OPCML: variants seen among roughly 807,000 people sequenced by gnomAD.
OPCML encodes the protein opioid-binding protein/cell adhesion molecule.
In OPCML, 13 loss-of-function variants were observed where a neutral mutation model predicts 37.8. That is an observed-to-expected ratio of 0.34 (90% CI 0.22 to 0.55). The LOEUF (loss-of-function observed/expected upper bound fraction) is 0.55. Ranked by LOEUF, OPCML falls within the 20% of genes least tolerant of loss-of-function variation. The pLI, the probability that OPCML is intolerant of heterozygous loss-of-function variation, is 0.91. For synonymous variants in OPCML, 176 were observed against 168.8 expected (o/e 1.04, Z -0.33); for missense variants, 341 against 435.6 (o/e 0.78, Z 1.93).
At chr11:132,529,971 C>T (rs2096319712) in intron 3 of OPCML, among the ~76,000 whole-genome samples, 1 of 152,130 alleles carries the variant, frequency 6.6e-6, no homozygotes, top group Non-Finnish European at 1.5e-5. Context: ...TCCTCACCTG[C>T]TACATGACCG....
intron 3 of OPCML, among the ~76,000 whole-genome samples, chr11:132,543,191 TA>T (rs2096361154): frequency 6.6e-6 from 1 of 152,158 alleles, no homozygotes; most frequent in South Asian, 2.1e-4. Flanking sequence ...AATGATATGA[TA>T]AAAGTAAATA....
intron 1 of OPCML, among the ~76,000 whole-genome samples, chr11:133,394,507 C>G (rs1945245722): frequency 6.6e-6 from 1 of 152,140 alleles, no homozygotes; most frequent in African/African-American, 2.4e-5. Flanking sequence ...CTTATTCATT[C>G]TTTCCAACTA....
chr11:132,735,644 C>T (rs771953267), intron 2 of OPCML, among the ~76,000 whole-genome samples: 4 of 151,974 alleles, frequency 2.6e-5, no homozygotes, highest in Non-Finnish European at 4.4e-5. Flanking sequence ...CCACTACGCC[C>T]GACTAATTTT....
At chr11:132,619,674 T>C (rs1207084676) in intron 3 of OPCML, among the ~76,000 whole-genome samples, 1 of 105,128 alleles carries the variant, frequency 9.5e-6, no homozygotes, top group African/African-American at 3.9e-5. Context: ...CCGTCTCTAC[T>C]GAAAATACCA....
chr11:133,020,365 C>A (rs972978781), intron 1 of OPCML, among the ~76,000 whole-genome samples: 1 of 152,226 alleles, frequency 6.6e-6, no homozygotes, highest in African/African-American at 2.4e-5. Context: ...AGACACGCTG[C>A]ATGGCTGTCT....
intron 1 of OPCML, among the ~76,000 whole-genome samples, chr11:133,201,649 A>G (rs189796191): frequency 4.5e-4 from 69 of 152,308 alleles, no homozygotes; most frequent in African/African-American, 1.4e-3. Context: ...AAAGTAAATG[A>G]AGGAGAGGAG....
At position 133,153,665 on chromosome 11, in the gene OPCML, A is replaced by C. The variant is rs1346274575; in HGVS notation, c.62-210655T>G. On this transcript the variant is annotated intron_variant, in intron 1 of 7. Coordinates refer to ENST00000524381, the MANE Select transcript of OPCML (RefSeq NM_001012393.5). ...AGAGGGGCTTATGTCTGATGGGAGC[A>C]TCTCTGGCCTCCACACCAGGCACCT... Among the ~76,000 whole-genome samples the C allele has an allele frequency of 4.6e-5, 7 of 152,174 alleles. No homozygotes were observed. In the East Asian group the frequency reaches 1.3e-3, roughly 29 times the overall value.
chr11:132,618,193 G>GT (rs1439054939), intron 3 of OPCML, among the ~76,000 whole-genome samples: 1 of 152,248 alleles, frequency 6.6e-6, no homozygotes, highest in Non-Finnish European at 1.5e-5. Flanking sequence ...GAACACAACG[G>GT]TAAGGAGTGA....
intron 1 of OPCML, among the ~76,000 whole-genome samples, chr11:132,947,220 C>T (rs1945763343): frequency 6.6e-6 from 1 of 152,204 alleles, no homozygotes; most frequent in Non-Finnish European, 1.5e-5. Flanking sequence ...GCTAGGACAG[C>T]ATGAGGTTCC....
In OPCML at chr11:133,084,482, A is replaced by C. The variant is rs1948789446; in HGVS notation, c.62-141472T>G. Among the ~76,000 whole-genome samples the C allele has an allele frequency of 2.6e-5, 4 of 152,330 alleles. No individual in the cohort carries two copies. In the South Asian group the frequency reaches 8.3e-4, roughly 32 times the overall value. ...AGAAAACTTCATACCAGGGAGGCAA[A>C]TATTGACGCAGGCATCTCTTGAGGG... is the stretch of plus-strand genomic sequence containing the variant. On this transcript the variant is annotated intron_variant, in intron 1 of 7. Coordinates refer to ENST00000524381, the MANE Select transcript of OPCML (RefSeq NM_001012393.5).
At position 133,217,497 on chromosome 11, in the gene OPCML, G is replaced by A. The variant is rs191798395; in HGVS notation, c.62-274487C>T. ...GGAGGACATTTCCCATAGGATTGCA[G>A]CACCCATGAAGGTGACCAGAGGAAT... On this transcript the variant is annotated intron_variant, in intron 1 of 7. Coordinates refer to ENST00000524381, the MANE Select transcript of OPCML (RefSeq NM_001012393.5). Among the ~76,000 whole-genome samples, 31 of 152,244 alleles carry A rather than the reference G, an allele frequency of 2.0e-4. 1 individual carries two copies. The East Asian group carries it at 5.0e-3, about 25-fold the overall frequency.
At chr11:133,473,761 G>C (rs1440840678) in intron 1 of OPCML, among the ~76,000 whole-genome samples, 1 of 152,184 alleles carries the variant, frequency 6.6e-6, no homozygotes, top group Non-Finnish European at 1.5e-5. Flanking sequence ...CTAACTTTGT[G>C]CCCAGTACAT....
intron 1 of OPCML, among the ~76,000 whole-genome samples, chr11:133,335,418 A>G (rs889592438): frequency 6.6e-6 from 1 of 152,088 alleles, no homozygotes; most frequent in Non-Finnish European, 1.5e-5. Context: ...GGCGGACTTC[A>G]ATTTACAGTG....
At chr11:133,066,412 G>A (rs1948441301) in intron 1 of OPCML, 1 of 152,202 alleles carries the variant, frequency 6.6e-6, no homozygotes, top group Admixed American at 6.5e-5. Context: ...CCAAAGTCTA[G>A]GGAGAGTACT....
intron 2 of OPCML, among the ~76,000 whole-genome samples, chr11:132,922,030 C>A (rs1167173090): frequency 1.3e-5 from 2 of 151,994 alleles, no homozygotes; most frequent in Non-Finnish European, 2.9e-5. Flanking sequence ...CAGGCACCTG[C>A]CACTGCGCCC....
intron 1 of OPCML, among the ~76,000 whole-genome samples, chr11:133,445,133 C>A (rs1002404938): frequency 1.1e-4 from 16 of 147,030 alleles, no homozygotes; most frequent in Non-Finnish European, 2.4e-4. Flanking sequence ...ACCACCACAC[C>A]CCATCTACAC....
intron 1 of OPCML, among the ~76,000 whole-genome samples, chr11:133,044,316 C>T (rs1947963800): frequency 6.6e-6 from 1 of 152,070 alleles, no homozygotes; most frequent in Non-Finnish European, 1.5e-5. Flanking sequence ...TGTAGGAATA[C>T]AATAAGAAAG....
At chr11:132,679,812 G>A (rs557324127) in intron 2 of OPCML, among the ~76,000 whole-genome samples, 16 of 152,220 alleles carry the variant, frequency 1.1e-4, no homozygotes, top group African/African-American at 3.6e-4. Context: ...CCATGAAGGA[G>A]GATGTTAAAA....
chr11:132,869,379 G>C (rs1942707037), intron 2 of OPCML, among the ~76,000 whole-genome samples: 2 of 152,152 alleles, frequency 1.3e-5, no homozygotes, highest in South Asian at 2.1e-4. Flanking sequence ...CGGAGGGCTG[G>C]TGGGAACACA....
Sources: gnomAD v4.1 joint callset for allele counts (sites outside exome capture counted in the v4.1 genomes callset) on GRCh38, gnomAD v4.1.1 for gene constraint, MANE v1.5 for transcripts, NCBI Gene and HGNC (gene_info 2026-07-23, HGNC 2026-07-21) for gene names.